DNAH3: variants seen among roughly 807,000 people sequenced by gnomAD.
DNAH3 encodes the protein dynein axonemal heavy chain 3, also known as axonemal beta dynein heavy chain 3.
Under a neutral mutation model 432.5 loss-of-function variants are expected in DNAH3, and 332 were observed. The ratio of observed to expected loss-of-function variants is 0.77; its 90% CI spans 0.70 to 0.84. The LOEUF (loss-of-function observed/expected upper bound fraction) is 0.84. DNAH3 is among the 40% of genes least tolerant of loss of function. The probability of loss-of-function intolerance (pLI) is 0.00; values close to 1 mark genes in which losing one functional copy is unlikely to be tolerated. For missense variants in DNAH3, 4,861 were observed against 5,114.0 expected, an observed-to-expected ratio of 0.95 and a Z score of 1.51; for synonymous variants, 1,956 against 1,900.2, an observed-to-expected ratio of 1.03 and a Z score of -0.76.
chr16:21,060,146 G>A, intron 26 of DNAH3, 118 bp downstream of exon 26: 1 of 770,756 alleles, frequency 1.3e-6, no homozygotes, highest in East Asian at 2.5e-5. Context: ...GAGGTGCAGA[G>A]GGACAGGTTT....
At chr16:21,108,641 G>A (rs865904174) in intron 14 of DNAH3, among the ~76,000 whole-genome samples, 1 of 152,196 alleles carries the variant, frequency 6.6e-6, no homozygotes, top group African/African-American at 2.4e-5. Context: ...TACTTCGGGG[G>A]CTGAGGCAGG....
intron 4 of DNAH3, 82 bp from the exon 6 acceptor site, chr16:21,140,792 T>C (rs1263222305): frequency 7.5e-7 from 1 of 1,334,378 alleles, no homozygotes; most frequent in African/African-American, 1.5e-5. Flanking sequence ...CCTAGCCTGA[T>C]GAGTGTGGTT....
chr16:20,943,487 G>C (rs2083907227), intron 58 of DNAH3, among the ~76,000 whole-genome samples: 1 of 151,972 alleles, frequency 6.6e-6, no homozygotes, highest in Admixed American at 6.6e-5. Flanking sequence ...GCCTCCCAAA[G>C]TGCTGGGACT....
At chr16:21,089,820 G>A (rs905285300) in intron 18 of DNAH3, among the ~76,000 whole-genome samples, 11 of 151,416 alleles carry the variant, frequency 7.3e-5, no homozygotes, top group African/African-American at 2.7e-4. Context: ...ATAAAAATAA[G>A]AACAGAAATC....
chr16:21,150,297 G>C (rs1424442439), intron 1 of DNAH3: 1 of 454,862 alleles, frequency 2.2e-6, no homozygotes, highest in East Asian at 7.0e-5. Flanking sequence ...TACCTTCTGA[G>C]ATGAGCAATC....
chr16:21,159,445 C>T (rs777632528), upstream of DNAH3: 3 of 1,613,378 alleles, frequency 1.9e-6, no homozygotes, highest in East Asian at 6.7e-5. Context: ...CTCCCATCCC[C>T]CAACCAGAGA....
At chr16:21,069,392 G>C in intron 23 of DNAH3, 23 bp downstream of exon 23, 1 of 1,601,516 alleles carries the variant, frequency 6.2e-7, no homozygotes, top group South Asian at 1.1e-5. Context: ...GCTGGTAAGA[G>C]TTATTAGGGT....
At chr16:20,942,406 A>C (rs2083855289) in intron 58 of DNAH3, among the ~76,000 whole-genome samples, 1 of 152,096 alleles carries the variant, frequency 6.6e-6, no homozygotes, top group South Asian at 2.1e-4. Context: ...AGAGACAGAC[A>C]CCCTGTGGTC....
chr16:21,154,414 AAAATT>A (rs796381283), intron 1 of DNAH3, among the ~76,000 whole-genome samples: 5 of 152,046 alleles, frequency 3.3e-5, no homozygotes, highest in African/African-American at 9.6e-5. Context: ...CAAAAAAAAA[AAAATT>A]AGAATGGTCC....
chr16:21,074,008 G>A (rs966674886), intron 21 of DNAH3, among the ~76,000 whole-genome samples: 4 of 152,076 alleles, frequency 2.6e-5, no homozygotes, highest in South Asian at 2.1e-4. Flanking sequence ...CTTCACTTTC[G>A]ATGGTTCCAA....
intron 10 of DNAH3, among the ~76,000 whole-genome samples, chr16:21,121,281 T>A (rs1597423549): frequency 6.6e-6 from 1 of 152,326 alleles, no homozygotes; most frequent in East Asian, 1.9e-4. Flanking sequence ...TAATAAAAGT[T>A]TGTTAATAAG....
At chr16:20,970,889 G>A (rs1374484603) in intron 51 of DNAH3, among the ~76,000 whole-genome samples, 1 of 132,488 alleles carries the variant, frequency 7.5e-6, no homozygotes, top group Non-Finnish European at 1.5e-5. Context: ...TTTTGAGACA[G>A]AGTCTCGCTC....
At chr16:20,953,879 G>C (rs1201515594) in intron 55 of DNAH3, among the ~76,000 whole-genome samples, 1 of 151,988 alleles carries the variant, frequency 6.6e-6, no homozygotes, top group South Asian at 2.1e-4. Context: ...CAAAGTACTG[G>C]GATTACAGGC....
intron 12 of DNAH3, among the ~76,000 whole-genome samples, chr16:21,116,301 C>T (rs1321915145): frequency 2.0e-5 from 3 of 151,896 alleles, no homozygotes; most frequent in East Asian, 1.9e-4. Context: ...ATAATCCCCA[C>T]GTGTTGTGGG....
At chr16:21,081,393 A>AC (rs986458091) in intron 20 of DNAH3, among the ~76,000 whole-genome samples, 18 of 151,694 alleles carry the variant, frequency 1.2e-4, no homozygotes, top group African/African-American at 3.9e-4. Flanking sequence ...AAAAAAAAAA[A>AC]AACCCTTTGA....
chr16:21,134,688 A>C (rs113100047), intron 6 of DNAH3, among the ~76,000 whole-genome samples: 1 of 150,926 alleles, frequency 6.6e-6, no homozygotes, highest in Non-Finnish European at 1.5e-5. Context: ...TTATTTATTT[A>C]TTTATTTTTT....
At chr16:20,963,474 C>T (rs1267720894) in exon 53 of DNAH3, 1 of 1,614,174 alleles carries the variant, frequency 6.2e-7, no homozygotes. Context: ...CCATCTTCTC[C>T]AATCCTTGAG....
At chr16:21,120,325 T>C (rs1228788778) in intron 11 of DNAH3, among the ~76,000 whole-genome samples, 4 of 152,134 alleles carry the variant, frequency 2.6e-5, no homozygotes, top group African/African-American at 9.7e-5. Context: ...ATTGAACTCC[T>C]GGCCTCAAGC....
At chr16:21,026,932 GC>G in intron 38 of DNAH3, 94 bp downstream of exon 38, 1 of 815,368 alleles carries the variant, frequency 1.2e-6, no homozygotes, top group East Asian at 2.5e-5. Flanking sequence ...ATCTGCGAGG[GC>G]TTCATCACAT....
Sources: allele counts gnomAD v4.1 joint callset (sites outside exome capture counted in the v4.1 genomes callset), GRCh38; gene constraint gnomAD v4.1.1; transcripts MANE v1.5; gene names NCBI Gene and HGNC (gene_info 2026-07-23, HGNC 2026-07-21).